The following PCDHGA1 variants were observed in gnomAD, a reference collection of about 807,000 sequenced individuals.
PCDHGA1 encodes the protein protocadherin gamma-A1.
A neutral mutation model predicts 58.0 loss-of-function variants in PCDHGA1; 32 were observed. That is an observed-to-expected ratio of 0.55 (90% confidence interval 0.42 to 0.74). PCDHGA1 has a LOEUF of 0.74. Among genes scored for constraint, PCDHGA1 ranks in the 30% least tolerant of loss-of-function variants. The probability of loss-of-function intolerance (pLI) is 0.00; values close to 1 mark genes in which losing one functional copy is unlikely to be tolerated. For missense variants in PCDHGA1, 1,205 were observed against 1,182.3 expected (o/e 1.02, Z -0.28); for synonymous variants, 498 against 501.1 (o/e 0.99, Z 0.08).
chr5:141,464,483 C>G (rs192469583), intron 1 of PCDHGA1, among the ~76,000 whole-genome samples: 32 of 151,368 alleles, frequency 2.1e-4, no homozygotes, highest in African/African-American at 7.3e-4. Flanking sequence ...ATAATAAATT[C>G]CTAATAGTGT....
intron 1 of PCDHGA1, chr5:141,344,662 T>C (rs1297241942): frequency 6.2e-7 from 1 of 1,613,880 alleles, no homozygotes; most frequent in African/African-American, 1.3e-5. Context: ...ATTCACCAGC[T>C]TGTCCTGGTT....
At position 141,331,655 on chromosome 5, in the gene PCDHGA1, G is replaced by A. The variant is rs745831969; in HGVS notation, c.971G>A (p.Gly324Asp). The A allele has an allele frequency of 6.2e-7, 1 of 1,614,090 alleles. No homozygotes were observed. The highest frequency in any genetic ancestry group is 8.5e-7 in the Non-Finnish European group (1 of 1,180,018). The change falls in exon 1 of 4, where the codon GGT (glycine) becomes GAT (aspartate). Residue 324 changes from glycine to aspartate, a missense_variant. Coordinates refer to ENST00000517417, the MANE Select transcript of PCDHGA1 (RefSeq NM_018912.3). ...TCAATGGAAGTTCAAGCCCAGGATGGTGCGGGGCTCATGGCTAAAGTTAAG... is the reference window on the plus strand; with the variant it reads ...TCAATGGAAGTTCAAGCCCAGGATGATGCGGGGCTCATGGCTAAAGTTAAG... ...MYSMEVQAQD[G>D]AGLMAKVKVL...
intron 1 of PCDHGA1, among the ~76,000 whole-genome samples, chr5:141,466,519 C>A (rs1406838553): frequency 6.6e-6 from 1 of 151,864 alleles, no homozygotes; most frequent in Non-Finnish European, 1.5e-5. Flanking sequence ...CATTTTTTTT[C>A]CTCCCAAATT....
chr5:141,337,664 T>C (rs1240745047), intron 1 of PCDHGA1, among the ~76,000 whole-genome samples: 2 of 152,116 alleles, frequency 1.3e-5, no homozygotes, highest in Admixed American at 6.5e-5. Context: ...AGAGTTTCAG[T>C]TGGGGAGGAT....
intron 1 of PCDHGA1, chr5:141,478,679 C>T (rs1247027395): frequency 3.2e-6 from 5 of 1,551,382 alleles, no homozygotes; most frequent in East Asian, 2.4e-5. Flanking sequence ...TCAACTGGCC[C>T]TTCCTAGATC....
chr5:141,489,094 G>GAAT lies in PCDHGA1; in HGVS notation c.2422-5711_2422-5710insTAA, dbSNP rs2154581134. 5.1e-6 allele frequency: 2 copies of GAAT among 396,028 alleles called. No homozygotes were observed. Among genetic ancestry groups the GAAT allele is most frequent in the Non-Finnish European group, 9.0e-6 (2 of 221,296 alleles). 24.5% of individuals were successfully genotyped at this position (396,028 alleles called of 1,614,324 possible). Reference sequence around the variant, plus strand: ...CCCACCCCCGCCACTCGGTGACTAAGAACTGCTGCAAGCAGGCAAACCTCC... The same window carrying GAAT: ...CCCACCCCCGCCACTCGGTGACTAAGAATAACTGCTGCAAGCAGGCAAACCTCC... On this transcript the variant is annotated intron_variant, in intron 1 of 3. Coordinates refer to ENST00000517417, the MANE Select transcript of PCDHGA1 (RefSeq NM_018912.3). The surrounding 1 kb of genome is among the most constrained non-coding windows in gnomAD (Gnocchi z 4.5).
intron 1 of PCDHGA1, chr5:141,403,779 A>G: frequency 6.2e-7 from 1 of 1,613,970 alleles, no homozygotes; most frequent in Non-Finnish European, 8.5e-7. Context: ...ATCAACGGAA[A>G]AGTGGCATAC....
At chr5:141,345,730 C>T (rs753389451) in intron 1 of PCDHGA1, 1 of 1,614,218 alleles carries the variant, frequency 6.2e-7, no homozygotes, top group Non-Finnish European at 8.5e-7. Flanking sequence ...CTGTACCCCG[C>T]CCTCCCCACA....
chr5:141,383,044 G>A, intron 1 of PCDHGA1: 2 of 1,613,876 alleles, frequency 1.2e-6, no homozygotes, highest in Non-Finnish European at 1.7e-6. Flanking sequence ...GGGAGACATC[G>A]CCAAGGACCT....
chr5:141,499,572 T>C (rs2099792782), intron 2 of PCDHGA1, among the ~76,000 whole-genome samples: 1 of 152,178 alleles, frequency 6.6e-6, no homozygotes, highest in Admixed American at 6.5e-5. Flanking sequence ...CAGCTTCAAC[T>C]AATGCCTTAT....
chr5:141,468,648 C>G (rs60206946), intron 1 of PCDHGA1: 27,626 of 151,800 alleles, frequency 0.18, 2,687 homozygotes, highest in Admixed American at 0.28. Flanking sequence ...GGGCGGATCA[C>G]AAGGTCAGGA....
At chr5:141,358,564 AGTGACTATGT>A (rs1760950785) in intron 1 of PCDHGA1, among the ~76,000 whole-genome samples, 1 of 152,222 alleles carries the variant, frequency 6.6e-6, no homozygotes, top group African/African-American at 2.4e-5. Context: ...ATGCACCAGA[AGTGACTATGT>A]GTGATTCCTC....
intron 1 of PCDHGA1, among the ~76,000 whole-genome samples, chr5:141,425,293 T>A (rs1332220576): frequency 1.3e-5 from 2 of 152,172 alleles, no homozygotes; most frequent in African/African-American, 4.8e-5. Context: ...TTATAAAACC[T>A]CATCTAAACT....
In PCDHGA1 at chr5:141,431,370, A is replaced by G; in HGVS notation, c.2422-63437A>G. ...CTGAAACGCGCCCTGGACCGCGAAG[A>G]AAAGGCTGCTCACCACCTGGTCCTT... is the stretch of plus-strand genomic sequence containing the variant. On this transcript the variant is annotated intron_variant, in intron 1 of 3. Coordinates refer to ENST00000517417, the MANE Select transcript of PCDHGA1 (RefSeq NM_018912.3). The surrounding 1 kb of genome is among the most constrained non-coding windows in gnomAD (Gnocchi z 4.8). 1 of 1,613,946 alleles carries G rather than the reference A, an allele frequency of 6.2e-7. No homozygotes were observed. The highest frequency in any genetic ancestry group is 8.5e-7 in the Non-Finnish European group (1 of 1,180,014).
rs150714552 is a variant in PCDHGA1, at chr5:141,473,285, G to A, written c.2422-21522G>A. On this transcript the variant is annotated intron_variant, in intron 1 of 3. Transcript: ENST00000517417. ...GTGTATGCTATGATTATTTTACTATGTCAGTAGCATAAAGATTGCTATATT... is the reference window on the plus strand; with the variant it reads ...GTGTATGCTATGATTATTTTACTATATCAGTAGCATAAAGATTGCTATATT... 3.9e-3 allele frequency among the ~76,000 whole-genome samples: 590 copies of A among 152,296 alleles called. 6 individuals are homozygous for A. Among genetic ancestry groups the A allele is most frequent in the Admixed American group, 0.011 (170 of 15,296 alleles).
rs1308015959 is a variant in PCDHGA1, at chr5:141,482,105, AT to A, written c.2422-12701del. Among the ~76,000 whole-genome samples, 417 of 143,332 alleles carry A rather than the reference AT, an allele frequency of 2.9e-3. 1 individual carries two copies. The highest frequency in any genetic ancestry group is 0.011 in the African/African-American group (394 of 37,394). 94.0% of individuals were successfully genotyped at this position (143,332 alleles called of 152,430 possible). Reference sequence around the variant, plus strand: ...ACTCCATCTCAAAAAAAAAAAAAAAATATCTAGAGATGGGAGAATCATATGG... The same window carrying A: ...ACTCCATCTCAAAAAAAAAAAAAAAAATCTAGAGATGGGAGAATCATATGG... On this transcript the variant is annotated intron_variant, in intron 1 of 3. Coordinates refer to ENST00000517417, the MANE Select transcript of PCDHGA1 (RefSeq NM_018912.3).
intron 1 of PCDHGA1, chr5:141,384,877 C>T (rs2150276041): frequency 6.2e-7 from 1 of 1,613,844 alleles, no homozygotes; most frequent in African/African-American, 1.3e-5. Context: ...CACCGTCACA[C>T]TCACCGTGGC....
intron 1 of PCDHGA1, among the ~76,000 whole-genome samples, chr5:141,458,596 G>A (rs907922436): frequency 1.8e-4 from 27 of 151,842 alleles, no homozygotes; most frequent in African/African-American, 5.8e-4. Flanking sequence ...TTGGAGACGA[G>A]TCTCACTCTG....
intron 1 of PCDHGA1, among the ~76,000 whole-genome samples, chr5:141,439,623 C>T (rs1219064055): frequency 6.6e-6 from 1 of 152,186 alleles, no homozygotes; most frequent in East Asian, 1.9e-4. Context: ...ATGAGCCAAT[C>T]CCCAGACATT....
Sources: allele counts gnomAD v4.1 joint callset (sites outside exome capture counted in the v4.1 genomes callset), GRCh38; gene constraint gnomAD v4.1.1; non-coding constraint Gnocchi (gnomAD v3.1); transcripts MANE v1.5; gene names NCBI Gene and HGNC (gene_info 2026-07-23, HGNC 2026-07-21).